Variants in SLC14A2 observed in about 807,000 individuals in gnomAD.
SLC14A2 encodes solute carrier family 14 member 2.
Under a neutral mutation model 104.6 loss-of-function variants are expected in SLC14A2, and 91 were observed. The observed-to-expected ratio is 0.87, with a 90% CI of 0.73 to 1.04. The LOEUF is 1.04. Ranked by LOEUF, SLC14A2 falls within the 50% of genes least tolerant of loss-of-function variation. The pLI is 0.00. For missense variants in SLC14A2, 1,189 were observed against 1,156.0 expected, an observed-to-expected ratio of 1.03 and a Z score of -0.41; for synonymous variants, 476 against 466.4, an observed-to-expected ratio of 1.02 and a Z score of -0.27.
chr18:45,298,621 C>A (rs1156596686), intron 1 of SLC14A2, among the ~76,000 whole-genome samples: 2 of 152,166 alleles, frequency 1.3e-5, no homozygotes, highest in Non-Finnish European at 2.9e-5. Context: ...TGTCTACTGG[C>A]TTTCAACTGA....
intron 1 of SLC14A2, among the ~76,000 whole-genome samples, chr18:45,331,623 G>A (rs929480342): frequency 2.6e-5 from 4 of 151,872 alleles, no homozygotes; most frequent in East Asian, 1.9e-4. Flanking sequence ...CCCAGGAGGC[G>A]GAGGTTGCAG....
intron 7 of SLC14A2, among the ~76,000 whole-genome samples, chr18:45,640,142 G>A (rs544265212): frequency 6.6e-6 from 1 of 152,106 alleles, no homozygotes; most frequent in Non-Finnish European, 1.5e-5. Flanking sequence ...TGGGTGTGGT[G>A]GTGGGCACCC....
chr18:45,453,765 T>G (rs1026657358), intron 1 of SLC14A2, among the ~76,000 whole-genome samples: 3 of 151,876 alleles, frequency 2.0e-5, no homozygotes, highest in Non-Finnish European at 4.4e-5. Context: ...CATCTTGCAT[T>G]CACAGTGCCT....
At chr18:45,365,474 C>T (rs1436154727) in intron 1 of SLC14A2, among the ~76,000 whole-genome samples, 2 of 152,248 alleles carry the variant, frequency 1.3e-5, no homozygotes, top group African/African-American at 4.8e-5. Context: ...AGGAACAAAA[C>T]AGGCATGTGT....
At chr18:45,299,149 T>C (rs2084944032) in intron 1 of SLC14A2, among the ~76,000 whole-genome samples, 1 of 152,234 alleles carries the variant, frequency 6.6e-6, no homozygotes, top group Non-Finnish European at 1.5e-5. Flanking sequence ...GCTCAGCTCC[T>C]AATACATAAA....
rs188199592 is a variant in SLC14A2, at chr18:45,499,109, T to C, written c.-35+15787T>C. On this transcript the variant is annotated intron_variant, in intron 2 of 20. Transcript: ENST00000586448. ...CCAAACACCACCACCACCACCTTCATTTTTCACTGGTGGAGAAGAGACGAG... is the reference window on the plus strand; with the variant it reads ...CCAAACACCACCACCACCACCTTCACTTTTCACTGGTGGAGAAGAGACGAG... Among the ~76,000 whole-genome samples the C allele has an allele frequency of 9.3e-4, 141 of 152,308 alleles. 1 individual carries two copies. Among genetic ancestry groups the C allele is most frequent in the African/African-American group, 3.2e-3 (133 of 41,574 alleles).
At chr18:45,308,330 C>T (rs773289216) in intron 1 of SLC14A2, among the ~76,000 whole-genome samples, 1 of 152,160 alleles carries the variant, frequency 6.6e-6, no homozygotes, top group Non-Finnish European at 1.5e-5. Context: ...TCTAAGAAAT[C>T]TAAGTAACTT....
intron 1 of SLC14A2, among the ~76,000 whole-genome samples, chr18:45,454,775 T>C (rs763252023): frequency 6.6e-5 from 10 of 152,194 alleles, no homozygotes; most frequent in Non-Finnish European, 1.2e-4. Context: ...TTTCCCCATT[T>C]CTTGTTTTTG....
intron 1 of SLC14A2, among the ~76,000 whole-genome samples, chr18:45,422,411 A>G (rs1012246264): frequency 2.6e-5 from 4 of 152,232 alleles, no homozygotes; most frequent in African/African-American, 4.8e-5. Flanking sequence ...GGGAGTTAGA[A>G]GAAATAGTTG....
intron 2 of SLC14A2, among the ~76,000 whole-genome samples, chr18:45,512,728 G>T (rs1231402814): frequency 2.0e-5 from 3 of 152,124 alleles, no homozygotes; most frequent in African/African-American, 7.2e-5. Flanking sequence ...TCTGGTGAGG[G>T]CACAAGATTT....
At chr18:45,370,827 C>T (rs556291471) in intron 1 of SLC14A2, among the ~76,000 whole-genome samples, 3 of 152,318 alleles carry the variant, frequency 2.0e-5, no homozygotes, top group African/African-American at 7.2e-5. Context: ...GAATTGGAAA[C>T]GGTCCAAGAC....
At chr18:45,447,181 A>G (rs1008112952) in intron 1 of SLC14A2, 3 of 152,200 alleles carry the variant, frequency 2.0e-5, no homozygotes, top group African/African-American at 7.2e-5. Flanking sequence ...ATCAAGCTAG[A>G]AAATGCAAGG....
intron 1 of SLC14A2, among the ~76,000 whole-genome samples, chr18:45,400,181 T>C (rs921834386): frequency 6.6e-6 from 1 of 152,218 alleles, no homozygotes; most frequent in Non-Finnish European, 1.5e-5. Flanking sequence ...GCTCCATTGA[T>C]GTTTTTTTAC....
At chr18:45,435,860 CT>C (rs2086587898) in intron 1 of SLC14A2, among the ~76,000 whole-genome samples, 1 of 152,138 alleles carries the variant, frequency 6.6e-6, no homozygotes, top group Admixed American at 6.5e-5. Context: ...GTTTCCATGG[CT>C]AGCAAAAGTG....
At position 45,235,979 on chromosome 18, in the gene SLC14A2, GTATATA is replaced by G. The variant is rs1303487247; in HGVS notation, c.-125+22790_-125+22795del. Among the ~76,000 whole-genome samples the G allele has an allele frequency of 2.9e-4, 21 of 72,852 alleles. 2 individuals carry two copies. The highest frequency in any genetic ancestry group is 3.0e-4 in the Admixed American group (2 of 6,632). 47.8% of individuals were successfully genotyped at this position (72,852 alleles called of 152,430 possible). A position where few individuals can be genotyped will look rare whatever the true frequency, so the allele number is the denominator to read the frequency against. On this transcript the variant is annotated intron_variant, in intron 1 of 20. Transcript: ENST00000586448. Reference sequence around the variant, plus strand: ...TATATGTATATATACATATATGTGTGTATATATGTGTATATATACATATATGTGTGT... The same window carrying G: ...TATATGTATATATACATATATGTGTGTGTGTATATATACATATATGTGTGT...
intron 1 of SLC14A2, among the ~76,000 whole-genome samples, chr18:45,256,491 C>A (rs932364393): frequency 1.3e-5 from 2 of 152,214 alleles, no homozygotes; most frequent in Non-Finnish European, 2.9e-5. Context: ...CCTGCCTCTC[C>A]TTCTCTGTGA....
intron 2 of SLC14A2, among the ~76,000 whole-genome samples, chr18:45,552,740 G>A (rs2044073987): frequency 1.3e-5 from 2 of 152,172 alleles, no homozygotes; most frequent in Admixed American, 1.3e-4. Context: ...GGTGTGTGAT[G>A]GGCAGAGGGT....
intron 2 of SLC14A2, among the ~76,000 whole-genome samples, chr18:45,508,098 G>C (rs1415399084): frequency 1.3e-5 from 2 of 152,224 alleles, no homozygotes; most frequent in Non-Finnish European, 2.9e-5. Context: ...GCTCAACAGA[G>C]GCATCTCAGA....
At chr18:45,579,649 C>T (rs1194610294) in intron 2 of SLC14A2, among the ~76,000 whole-genome samples, 7 of 152,216 alleles carry the variant, frequency 4.6e-5, no homozygotes, top group Admixed American at 6.5e-5. Flanking sequence ...TTCACTCATT[C>T]GTTCACTAGG....
Sources: gnomAD v4.1 joint callset for allele counts (sites outside exome capture counted in the v4.1 genomes callset) on GRCh38, gnomAD v4.1.1 for gene constraint, MANE v1.5 for transcripts, NCBI Gene and HGNC (gene_info 2026-07-23, HGNC 2026-07-21) for gene names.